Variants in PLA2G4E observed in about 807,000 individuals in gnomAD.
PLA2G4E encodes the protein phospholipase A2 group IVE.
A neutral mutation model predicts 109.1 loss-of-function variants in PLA2G4E; 84 were observed. The observed-to-expected ratio is 0.77, with a 90% CI of 0.65 to 0.92. The LOEUF (loss-of-function observed/expected upper bound fraction) is 0.92, where lower values mean the gene tolerates loss of function less well. PLA2G4E is among the 40% of genes least tolerant of loss of function. PLA2G4E has a pLI of 0.00. For missense variants in PLA2G4E, 1,057 were observed against 1,076.6 expected (o/e 0.98, Z 0.25); for synonymous variants, 469 against 436.1 (o/e 1.08, Z -0.94).
intron 1 of PLA2G4E, among the ~76,000 whole-genome samples, chr15:42,014,582 G>A (rs1042648701): frequency 3.3e-5 from 5 of 152,286 alleles, no homozygotes; most frequent in Middle Eastern, 3.4e-3. Context: ...GATCACGCAC[G>A]GTGACATCTA....
rs768091325 is a variant in PLA2G4E, at chr15:42,005,978, C to T, written c.525+12G>A. ...TGAAGCCGGAGTCTGAGGGCCTGTA[C>T]CCTGCACCCACCTGCGGGTTGAGTG... On this transcript the variant is annotated intron_variant, in intron 4 of 19. Transcript: ENST00000399518. 6.2e-7 allele frequency: 1 copy of T among 1,613,418 alleles called. No individual in the cohort carries two copies. Among genetic ancestry groups the T allele is most frequent in the South Asian group, 1.1e-5 (1 of 91,060 alleles).
At chr15:42,020,320 T>C (rs991119263) in intron 1 of PLA2G4E, among the ~76,000 whole-genome samples, 3 of 152,196 alleles carry the variant, frequency 2.0e-5, no homozygotes, top group African/African-American at 4.8e-5. Context: ...TACAGCAGAT[T>C]GAAGCATTGA....
At chr15:41,983,566 CCT>C (rs1204644640) in exon 20 of PLA2G4E, 60 of 601,948 alleles carry the variant, frequency 1.0e-4, no homozygotes, top group Non-Finnish European at 1.1e-4. Flanking sequence ...CAACAGAGCT[CCT>C]CTCTCTCTCT....
chr15:41,984,294 C>G, intron 19 of PLA2G4E, 142 bp downstream of exon 19: 1 of 856,692 alleles, frequency 1.2e-6, no homozygotes, highest in Non-Finnish European at 1.8e-6. Context: ...TGGGAGGCGC[C>G]CTTCTTTGTG....
intron 1 of PLA2G4E, among the ~76,000 whole-genome samples, chr15:42,026,640 TA>T (rs1484592815): frequency 6.6e-6 from 1 of 152,148 alleles, no homozygotes; most frequent in African/African-American, 2.4e-5. Flanking sequence ...TTAGTCAAAG[TA>T]AGAATATCAG....
At position 42,005,527 on chromosome 15, in the gene PLA2G4E, A is replaced by G. The variant is rs1229035389; in HGVS notation, c.525+463T>C. Among the ~76,000 whole-genome samples, 4 of 152,000 alleles carry G rather than the reference A, an allele frequency of 2.6e-5. No individual in the cohort carries two copies. In the East Asian group the frequency reaches 7.8e-4, roughly 29 times the overall value. On this transcript the variant is annotated intron_variant, in intron 4 of 19. Transcript: ENST00000399518. ...TCACAGGCACTCAAATGCTGGCAGA[A>G]TGATTGAATTGACAGCATCCTGGGG...
intron 1 of PLA2G4E, among the ~76,000 whole-genome samples, chr15:42,023,634 A>G (rs2068667763): frequency 6.6e-6 from 1 of 151,968 alleles, no homozygotes; most frequent in African/African-American, 2.4e-5. Flanking sequence ...ACTGTCCTGA[A>G]AGTCATGGGG....
chr15:42,013,879 CTGG>C, intron 1 of PLA2G4E, 122 bp from the exon 2 acceptor site: 2 of 323,438 alleles, frequency 6.2e-6, no homozygotes, highest in Non-Finnish European at 5.4e-6. Context: ...AACCCCTAGG[CTGG>C]TTTTTTTTTT....
chr15:42,029,207 T>C (rs1372279075), intron 1 of PLA2G4E, among the ~76,000 whole-genome samples: 1 of 152,166 alleles, frequency 6.6e-6, no homozygotes, highest in Non-Finnish European at 1.5e-5. Context: ...GATTCTCCCA[T>C]GTTAGCCTCC....
chr15:42,016,334 G>A (rs919705091), intron 1 of PLA2G4E, among the ~76,000 whole-genome samples: 3 of 150,418 alleles, frequency 2.0e-5, no homozygotes, highest in Non-Finnish European at 3.0e-5. Context: ...CTTTCCTGGG[G>A]CTTAATTCTT....
At chr15:42,029,758 A>C (rs2141070379) in intron 1 of PLA2G4E, among the ~76,000 whole-genome samples, 1 of 152,322 alleles carries the variant, frequency 6.6e-6, no homozygotes, top group South Asian at 2.1e-4. Context: ...TTTCTACCTC[A>C]TGGGATGGTT....
intron 13 of PLA2G4E, 41 bp from the exon 14 acceptor site, chr15:41,990,276 G>A (rs2141026960): frequency 1.3e-6 from 2 of 1,550,304 alleles, no homozygotes; most frequent in South Asian, 1.1e-5. Flanking sequence ...CAGCAGCCCA[G>A]AGGGTGAGGG....
intron 1 of PLA2G4E, among the ~76,000 whole-genome samples, chr15:42,036,790 C>T (rs1364701052): frequency 2.0e-5 from 3 of 152,146 alleles, no homozygotes; most frequent in African/African-American, 7.2e-5. Flanking sequence ...AGCCGGGAGC[C>T]GGGGAGCAGG....
intron 6 of PLA2G4E, among the ~76,000 whole-genome samples, chr15:42,001,623 A>G (rs2068420910): frequency 6.6e-6 from 1 of 152,202 alleles, no homozygotes. Context: ...CTTCTTTTTG[A>G]GGGAGAGGTC....
chr15:42,008,071 C>A (rs2141050559), intron 2 of PLA2G4E, among the ~76,000 whole-genome samples: 1 of 152,350 alleles, frequency 6.6e-6, no homozygotes, highest in African/African-American at 2.4e-5. Flanking sequence ...CGACCCAATC[C>A]CACTGGCCAT....
Position 42,050,663 on chromosome 15 carries a change from G to T in PLA2G4E, c.41C>A (p.Thr14Asn), listed in dbSNP as rs1017874273. The stretch of plus-strand genomic sequence containing the variant: ...TGGGCTCTGTGGGACAAACACATTA[G>T]TTCCCAGGCCAGGACAGCCTTCCGA... The change falls in exon 1 of 20, where the codon ACT becomes AAT. Residue 14 changes from threonine to asparagine, a missense_variant. Transcript: ENST00000399518. 3.9e-6 allele frequency: 6 copies of T among 1,550,458 alleles called. No homozygotes were observed. In the East Asian group the frequency reaches 1.5e-4, roughly 38 times the overall value.
At chr15:42,021,246 G>A (rs1437169338) in intron 1 of PLA2G4E, among the ~76,000 whole-genome samples, 1 of 151,738 alleles carries the variant, frequency 6.6e-6, no homozygotes, top group Non-Finnish European at 1.5e-5. Context: ...TCTGGTCTTT[G>A]GGGTCAGCAG....
intron 1 of PLA2G4E, among the ~76,000 whole-genome samples, chr15:42,034,351 A>C (rs1174760568): frequency 2.0e-5 from 3 of 152,254 alleles, no homozygotes; most frequent in Admixed American, 6.5e-5. Context: ...ATTTTGGAGA[A>C]TATGAAGAAA....
intron 4 of PLA2G4E, 131 bp downstream of exon 4, chr15:42,005,859 C>G: frequency 8.7e-7 from 1 of 1,147,176 alleles, no homozygotes; most frequent in Non-Finnish European, 1.2e-6. Context: ...GGGATTTAAA[C>G]CAGCAGCACC....
Sources: allele counts gnomAD v4.1 joint callset (sites outside exome capture counted in the v4.1 genomes callset), GRCh38; gene constraint gnomAD v4.1.1; transcripts MANE v1.5; gene names NCBI Gene and HGNC (gene_info 2026-07-23, HGNC 2026-07-21).